The following DZIP1 variants were observed in gnomAD, a reference collection of about 807,000 sequenced individuals.
DZIP1 encodes cilium assembly protein DZIP1.
In DZIP1, 97 loss-of-function variants were observed where a neutral mutation model predicts 107.6. That is an observed-to-expected ratio of 0.90 (90% confidence interval 0.77 to 1.07). The LOEUF (loss-of-function observed/expected upper bound fraction) is 1.07. DZIP1 is among the 50% of genes least tolerant of loss of function. DZIP1 has a pLI of 0.00. For missense variants in DZIP1, 1,035 were observed against 1,063.6 expected, an observed-to-expected ratio of 0.97 and a Z score of 0.37; for synonymous variants, 390 against 386.4, an observed-to-expected ratio of 1.01 and a Z score of -0.11.
chr13:95,638,636 A>AACACACAC (rs3051404), intron 5 of DZIP1, among the ~76,000 whole-genome samples: 305 of 149,868 alleles, frequency 2.0e-3, no homozygotes, highest in African/African-American at 2.7e-3. Flanking sequence ...CCTTATACAC[A>AACACACAC]ACACACACAC....
At chr13:95,598,131 C>A (rs2044510786) in intron 15 of DZIP1, among the ~76,000 whole-genome samples, 1 of 152,096 alleles carries the variant, frequency 6.6e-6, no homozygotes, top group South Asian at 2.1e-4. Flanking sequence ...ATTTAATGTA[C>A]CTATAGTCAC....
At chr13:95,623,290 G>A (rs1050376150) in intron 8 of DZIP1, among the ~76,000 whole-genome samples, 5 of 152,150 alleles carry the variant, frequency 3.3e-5, no homozygotes, top group African/African-American at 1.2e-4. Flanking sequence ...ACAAAAGTAT[G>A]GGGGAGCGCA....
chr13:95,625,772 G>T (rs1367758725), intron 7 of DZIP1, among the ~76,000 whole-genome samples: 1 of 152,128 alleles, frequency 6.6e-6, no homozygotes, highest in Admixed American at 6.5e-5. Flanking sequence ...CAAGATTCAT[G>T]AGATGCAGCC....
rs868536695 is a variant in DZIP1, at chr13:95,641,613, G to A, written c.279C>T (p.Ile93=). ...AVDVLTLQEN[I]MNITFCKLED... The stretch of plus-strand genomic sequence containing the variant: ...CCAGCTTGCAGAAGGTGATGTTCAT[G>A]ATGTTCTCCTGCAGCGTCAGCACGT... Residue 93 remains isoleucine, a synonymous_variant, in exon 5 of 23, where the codon ATC becomes ATT. Coordinates refer to ENST00000376829, the MANE Select transcript of DZIP1 (RefSeq NM_198968.4). This position sits in a 1 kb window ranked among gnomAD's most constrained non-coding sequence, Gnocchi z 4.3. The A allele has an allele frequency of 6.2e-7, 1 of 1,612,640 alleles. No homozygotes were observed.
chr13:95,610,504 C>T (rs747561187), intron 12 of DZIP1, among the ~76,000 whole-genome samples: 1 of 151,778 alleles, frequency 6.6e-6, no homozygotes, highest in Non-Finnish European at 1.5e-5. Context: ...AAGGGGGACT[C>T]GCTATGTTGC....
chr13:95,621,665 A>AGC (rs1478972077), intron 9 of DZIP1, among the ~76,000 whole-genome samples: 1 of 123,326 alleles, frequency 8.1e-6, no homozygotes, highest in Non-Finnish European at 1.7e-5. Context: ...ACCAGTTAGC[A>AGC]GTGTGTGTGT....
At chr13:95,614,584 A>G (rs1407722333) in intron 10 of DZIP1, among the ~76,000 whole-genome samples, 1 of 152,160 alleles carries the variant, frequency 6.6e-6, no homozygotes, top group Non-Finnish European at 1.5e-5. Flanking sequence ...GTACATGGAG[A>G]AAGGAATGGA....
intron 6 of DZIP1, among the ~76,000 whole-genome samples, chr13:95,631,590 A>G (rs947131074): frequency 2.0e-5 from 3 of 152,132 alleles, no homozygotes; most frequent in Admixed American, 6.5e-5. Context: ...GAATACTTCA[A>G]TGGCAGAAAA....
rs1878443057 is a variant in DZIP1 at position 95,641,197 on chromosome 13, A to G, written c.597+98T>C. ...CTGTGTCTTCTGATATACAATATAA[A>G]TCTTTAAGAAGAAAGAGTGGTGATA... On this transcript the variant is annotated intron_variant, in intron 5 of 22. Transcript: ENST00000376829. This position sits in a 1 kb window ranked among gnomAD's most constrained non-coding sequence, Gnocchi z 4.3. 8 of 1,478,244 alleles carry G rather than the reference A, an allele frequency of 5.4e-6. No individual in the cohort carries two copies. Among genetic ancestry groups the G allele is most frequent in the African/African-American group, 1.4e-5 (1 of 71,042 alleles). The allele number at this position is 1,478,244 out of a possible 1,614,324, so 91.6% of individuals were successfully genotyped here. A position where few individuals can be genotyped will look rare whatever the true frequency, so the allele number is the denominator to read the frequency against.
chr13:95,605,474 G>A (rs2044745144), intron 14 of DZIP1, among the ~76,000 whole-genome samples: 1 of 152,138 alleles, frequency 6.6e-6, no homozygotes, highest in Non-Finnish European at 1.5e-5. Context: ...CTTTTGATCT[G>A]GTCCAAGAAC....
chr13:95,604,169 C>A (rs778664520), intron 14 of DZIP1, among the ~76,000 whole-genome samples: 1 of 152,360 alleles, frequency 6.6e-6, no homozygotes, highest in South Asian at 2.1e-4. Flanking sequence ...CCACCTCCCA[C>A]CTGTAAACTT....
At chr13:95,587,799 G>T in intron 19 of DZIP1, 70 bp from the exon 20 acceptor site, 1 of 1,476,946 alleles carries the variant, frequency 6.8e-7, no homozygotes, top group Non-Finnish European at 9.1e-7. Context: ...ATTAAGAGAT[G>T]TGCCTCTTAA....
chr13:95,584,766 C>A lies in DZIP1; in HGVS notation c.2494G>T (p.Ala832Ser). Residue 832 changes from alanine (A) to serine (S), a missense_variant, in exon 22 of 23, where the codon GCA becomes TCA. Transcript: ENST00000376829. ...CCCTTTGGCCCCTTAGGATTAAATG[C>A]GCCCCAGGCATTTAGCACATGAGCA... ...HFAHVLNAWG[A>S]FNPKGPKGEG... 1 of 1,613,766 alleles carries A rather than the reference C, an allele frequency of 6.2e-7. No homozygotes were observed. Among genetic ancestry groups the A allele is most frequent in the Non-Finnish European group, 8.5e-7 (1 of 1,179,822 alleles).
chr13:95,606,320 G>A (rs2044775293), intron 13 of DZIP1, among the ~76,000 whole-genome samples: 1 of 152,178 alleles, frequency 6.6e-6, no homozygotes, highest in Admixed American at 6.5e-5. Context: ...CACAACCACT[G>A]TCTAATTCTC....
intron 14 of DZIP1, among the ~76,000 whole-genome samples, chr13:95,600,874 C>T (rs2044601670): frequency 6.6e-6 from 1 of 152,118 alleles, no homozygotes; most frequent in Non-Finnish European, 1.5e-5. Context: ...CAAAAATATG[C>T]TTTTCAAATT....
In DZIP1 at chr13:95,586,068, G is replaced by C. The variant is rs754969675; in HGVS notation, c.2287C>G (p.Pro763Ala). The stretch of plus-strand genomic sequence containing the variant: ...TCAGGGACATTAGTTCCACCGACTG[G>C]TTTGTTCACATTTTTGCGATGTGGA... ...MFPHRKNVNKPVGGTNVPEMF... is the reference protein window; with the variant it reads ...MFPHRKNVNKAVGGTNVPEMF... Residue 763 changes from proline to alanine, a missense_variant, in exon 21 of 23, where the codon CCA becomes GCA. By Grantham distance (27) the Pro-to-Ala change is conservative. Coordinates refer to ENST00000376829, the MANE Select transcript of DZIP1 (RefSeq NM_198968.4). 3.4e-5 allele frequency: 55 copies of C among 1,610,406 alleles called. No individual in the cohort carries two copies. The Admixed American group carries it at 9.3e-4, about 27-fold the overall frequency.
rs943299751 is a variant in DZIP1, at chr13:95,643,201, C to A, written c.-371G>T. The stretch of plus-strand genomic sequence containing the variant: ...TAAGCTGAGGAAAAGCCAGACATTC[C>A]CCAATCCACCGGGGAATTCCTGCTT... On this transcript the variant is annotated 5_prime_UTR_variant, in exon 3 of 23. The change creates a premature stop within an existing upstream ORF in the 5' untranslated region. Transcript: ENST00000376829. 3 of 152,090 alleles carry A rather than the reference C, an allele frequency of 2.0e-5. No homozygotes were observed. The highest frequency in any genetic ancestry group is 7.2e-5 in the African/African-American group (3 of 41,404). 9.4% of individuals were successfully genotyped at this position (152,090 alleles called of 1,614,324 possible).
intron 12 of DZIP1, 133 bp from the exon 13 acceptor site, chr13:95,609,646 GAATA>G (rs2044915471): frequency 4.2e-6 from 2 of 471,482 alleles, no homozygotes; most frequent in East Asian, 3.6e-5. Flanking sequence ...ATCACCAGGA[GAATA>G]AATATGTGTA....
rs756699995 is a variant in DZIP1 at position 95,582,211 on chromosome 13, G to A, written c.*23C>T. On this transcript the variant is annotated 3_prime_UTR_variant, in exon 23 of 23. Transcript: ENST00000376829. ...GATACTGAAATACTGCTGGCTTCTG[G>A]AATAATCTTCTGACATGTGGAATTA... is the stretch of plus-strand genomic sequence containing the variant. The A allele has an allele frequency of 9.3e-6, 15 of 1,609,170 alleles. No individual in the cohort carries two copies. Among genetic ancestry groups the A allele is most frequent in the Non-Finnish European group, 1.3e-5 (15 of 1,175,724 alleles).
Sources: allele counts gnomAD v4.1 joint callset (sites outside exome capture counted in the v4.1 genomes callset), GRCh38; gene constraint gnomAD v4.1.1; non-coding constraint Gnocchi (gnomAD v3.1); transcripts MANE v1.5; gene names NCBI Gene and HGNC (gene_info 2026-07-23, HGNC 2026-07-21).